The following MED13L variants were observed in gnomAD, a reference collection of about 807,000 sequenced individuals.
MED13L encodes the protein mediator of RNA polymerase II transcription subunit 13-like.
A neutral mutation model predicts 220.9 loss-of-function variants in MED13L; 7 were observed. The ratio of observed to expected loss-of-function variants is 0.03; its 90% CI spans 0.02 to 0.06. The LOEUF is 0.06. MED13L is among the 10% of genes least tolerant of loss of function. The pLI, the probability that MED13L is intolerant of heterozygous loss-of-function variation, is 1.00. For synonymous variants in MED13L, 1,011 were observed against 1,015.2 expected (o/e 1.00, Z 0.08); for missense variants, 1,965 against 2,760.5 (o/e 0.71, Z 6.46).
chr12:116,266,929 C>G (rs527994745), intron 1 of MED13L, among the ~76,000 whole-genome samples: 2 of 152,224 alleles, frequency 1.3e-5, no homozygotes, highest in South Asian at 2.1e-4. Context: ...TAGAAATTAG[C>G]CAGTAGCTGA....
intron 4 of MED13L, among the ~76,000 whole-genome samples, chr12:116,051,314 TAAC>T (rs1868492004): frequency 6.6e-6 from 1 of 151,972 alleles, no homozygotes; most frequent in African/African-American, 2.4e-5. Context: ...AAAATATTGA[TAAC>T]AATAGAAATG....
intron 2 of MED13L, among the ~76,000 whole-genome samples, chr12:116,169,466 C>T (rs1462484751): frequency 3.9e-5 from 6 of 152,104 alleles, no homozygotes; most frequent in Middle Eastern, 3.2e-3. Flanking sequence ...TTTTCATTTT[C>T]GCAAATCTCT....
intron 4 of MED13L, among the ~76,000 whole-genome samples, chr12:116,093,432 C>G (rs981226371): frequency 6.6e-6 from 1 of 151,890 alleles, no homozygotes. Context: ...TTAGAATTCT[C>G]CTGAACATCA....
intron 2 of MED13L, among the ~76,000 whole-genome samples, chr12:116,166,039 G>A (rs1879243642): frequency 6.6e-6 from 1 of 152,266 alleles, no homozygotes; most frequent in Non-Finnish European, 1.5e-5. Flanking sequence ...TCTACTTTCA[G>A]ATCTCAGTTC....
At chr12:116,189,097 T>C (rs752762606) in intron 2 of MED13L, among the ~76,000 whole-genome samples, 6 of 152,178 alleles carry the variant, frequency 3.9e-5, no homozygotes, top group Non-Finnish European at 5.9e-5. Flanking sequence ...TGCTAAATGA[T>C]AGTTGGCATG....
At chr12:115,988,890 G>A (rs1275601925) in intron 17 of MED13L, among the ~76,000 whole-genome samples, 2 of 152,140 alleles carry the variant, frequency 1.3e-5, no homozygotes, top group Non-Finnish European at 2.9e-5. Context: ...CATTTCTTTA[G>A]GGGAAAGGCT....
chr12:115,967,047 T>TATTA (rs1399555713), intron 28 of MED13L, among the ~76,000 whole-genome samples: 1 of 151,850 alleles, frequency 6.6e-6, no homozygotes, highest in African/African-American at 2.4e-5. Flanking sequence ...AGTGCACGCC[T>TATTA]GTAATCCCAG....
At chr12:116,220,562 G>A (rs945345722) in intron 2 of MED13L, among the ~76,000 whole-genome samples, 5 of 152,284 alleles carry the variant, frequency 3.3e-5, no homozygotes, top group African/African-American at 4.8e-5. Context: ...TGCCAGGCAT[G>A]GTGGTGCTCA....
chr12:116,172,837 G>C (rs1319043180), intron 2 of MED13L, among the ~76,000 whole-genome samples: 1 of 149,092 alleles, frequency 6.7e-6, no homozygotes, highest in Non-Finnish European at 1.5e-5. Context: ...CCTCAATACA[G>C]ATTAGTTTCC....
intron 2 of MED13L, among the ~76,000 whole-genome samples, chr12:116,214,546 C>T (rs975286348): frequency 6.6e-5 from 10 of 152,112 alleles, no homozygotes; most frequent in African/African-American, 2.2e-4. Flanking sequence ...ATTTATATAT[C>T]ATCCTAAATT....
chr12:115,966,386 G>A, intron 28 of MED13L, 143 bp from the exon 29 acceptor site: 1 of 930,994 alleles, frequency 1.1e-6, no homozygotes, highest in Non-Finnish European at 1.7e-6. Flanking sequence ...GACTGAGAAA[G>A]GTAAGCGGGG....
intron 4 of MED13L, among the ~76,000 whole-genome samples, chr12:116,068,284 G>C (rs1400352469): frequency 2.0e-5 from 3 of 152,154 alleles, no homozygotes; most frequent in African/African-American, 7.2e-5. Context: ...CAGGCCAGAA[G>C]AATCTCCACA....
chr12:116,102,710 C>CTT lies in MED13L; in HGVS notation c.396-5960_396-5959dup, dbSNP rs869201518. ...TATTTTCTTTTTCTTTTTCTTTTTT[C>CTT]TTTTTTTTTTTTTTTTTTTTTTTTT... On this transcript the variant is annotated intron_variant, in intron 3 of 30. Transcript: ENST00000281928. 1.6e-3 allele frequency among the ~76,000 whole-genome samples: 107 copies of CTT among 68,674 alleles called. 4 individuals are homozygous for CTT. Among genetic ancestry groups the CTT allele is most frequent in the African/African-American group, 3.0e-3 (52 of 17,514 alleles). 45.1% of individuals were successfully genotyped at this position (68,674 alleles called of 152,430 possible).
At chr12:116,114,554 T>C (rs974877481) in intron 2 of MED13L, among the ~76,000 whole-genome samples, 1 of 152,170 alleles carries the variant, frequency 6.6e-6, no homozygotes, top group Admixed American at 6.6e-5. Context: ...ATTAACATCA[T>C]ACTTAGTGGC....
chr12:116,037,916 T>C (rs1881281564), intron 4 of MED13L, among the ~76,000 whole-genome samples: 1 of 152,120 alleles, frequency 6.6e-6, no homozygotes, highest in Admixed American at 6.5e-5. Flanking sequence ...TAAGAGCTGC[T>C]CTAGTCAGTG....
intron 2 of MED13L, among the ~76,000 whole-genome samples, chr12:116,187,142 A>C (rs988926597): frequency 6.6e-6 from 1 of 152,134 alleles, no homozygotes; most frequent in African/African-American, 2.4e-5. Flanking sequence ...ATTACCTATA[A>C]AGTGAAATTT....
intron 2 of MED13L, among the ~76,000 whole-genome samples, chr12:116,131,787 T>C (rs1876087929): frequency 6.6e-6 from 1 of 152,134 alleles, no homozygotes; most frequent in South Asian, 2.1e-4. Flanking sequence ...AAGACCAGCC[T>C]GGGCAACATG....
At chr12:116,192,657 T>C (rs984011001) in intron 2 of MED13L, among the ~76,000 whole-genome samples, 2 of 152,162 alleles carry the variant, frequency 1.3e-5, no homozygotes, top group Non-Finnish European at 2.9e-5. Context: ...CTCTTCCATT[T>C]CCAGGACAAT....
intron 1 of MED13L, among the ~76,000 whole-genome samples, chr12:116,238,329 T>C (rs896149605): frequency 1.1e-4 from 17 of 152,232 alleles, no homozygotes; most frequent in African/African-American, 3.6e-4. Context: ...CTAATGTAGT[T>C]TGGTATTTTA....
Sources: gnomAD v4.1 joint callset for allele counts (sites outside exome capture counted in the v4.1 genomes callset) on GRCh38, gnomAD v4.1.1 for gene constraint, MANE v1.5 for transcripts, NCBI Gene and HGNC (gene_info 2026-07-23, HGNC 2026-07-21) for gene names.